Variants in SLC45A1 observed in about 807,000 individuals in gnomAD.
The protein encoded by SLC45A1 is proton-associated sugar transporter A.
SLC45A1 carries 28 observed loss-of-function variants against 57.6 expected under a neutral mutation model. That is an observed-to-expected ratio of 0.49 (90% confidence interval 0.36 to 0.67). The LOEUF is 0.67. Among genes scored for constraint, SLC45A1 ranks in the 30% least tolerant of loss-of-function variants. The pLI is 0.00. For synonymous variants in SLC45A1, 459 were observed against 471.5 expected, an observed-to-expected ratio of 0.97 and a Z score of 0.34; for missense variants, 814 against 1,041.5, an observed-to-expected ratio of 0.78 and a Z score of 3.01.
At position 8,343,760 on chromosome 1, in the gene SLC45A1, G is replaced by A; in HGVS notation, c.1994G>A (p.Ser665Asn). 6.2e-7 allele frequency: 1 copy of A among 1,613,324 alleles called. No individual in the cohort carries two copies. The highest frequency in any genetic ancestry group is 1.1e-5 in the South Asian group (1 of 91,062). Residue 665 changes from serine to asparagine, a missense_variant, in exon 9 of 9, where the codon AGT (serine) becomes AAT (asparagine). By Grantham distance (46) the Ser-to-Asn change is conservative. Transcript: ENST00000471889. The surrounding 1 kb of genome is among the most constrained non-coding windows in gnomAD (Gnocchi z 7.7). ...CCTCTGGGTCAGTTTGCAGGGTCCA[G>A]TGCGGACGGCACCCGGCGGGGCATG... Reference protein sequence around the residue: ...YYQSKKFAGSSADGTRRGMGV... With the variant: ...YYQSKKFAGSNADGTRRGMGV...
chr1:8,331,903 C>A (rs1640423086), intron 5 of SLC45A1, among the ~76,000 whole-genome samples: 1 of 151,316 alleles, frequency 6.6e-6, no homozygotes, highest in South Asian at 2.1e-4. Context: ...CGCCATTCTT[C>A]TGCCTCAGCC....
At position 8,332,211 on chromosome 1, in the gene SLC45A1, G is replaced by A. The variant is rs556855795; in HGVS notation, c.1443+1275G>A. 1.1e-4 allele frequency among the ~76,000 whole-genome samples: 16 copies of A among 152,320 alleles called. No individual in the cohort carries two copies. The East Asian group carries it at 2.3e-3, about 22-fold the overall frequency. ...TTGTTTCTGGTATTTTTCCCAAGAC[G>A]TCCGGGCTCCAGCCCGTTTTGGCAG... On this transcript the variant is annotated intron_variant, in intron 5 of 8. Coordinates refer to ENST00000471889, the MANE Select transcript of SLC45A1 (RefSeq NM_001080397.3).
intron 8 of SLC45A1, among the ~76,000 whole-genome samples, chr1:8,342,348 G>A (rs1640852977): frequency 6.6e-6 from 1 of 152,188 alleles, no homozygotes; most frequent in South Asian, 2.1e-4. Flanking sequence ...AGCACACGCA[G>A]AGTTGTACAA....
At chr1:8,333,007 A>G (rs1640462569) in intron 5 of SLC45A1, among the ~76,000 whole-genome samples, 1 of 150,752 alleles carries the variant, frequency 6.6e-6, no homozygotes, top group African/African-American at 2.4e-5. Flanking sequence ...CAGCCTGGAG[A>G]TCTAGCCGAG....
chr1:8,322,435 A>G (rs1443871101), intron 1 of SLC45A1, among the ~76,000 whole-genome samples: 1 of 127,842 alleles, frequency 7.8e-6, no homozygotes, highest in Non-Finnish European at 1.7e-5. Context: ...TGGATGGATG[A>G]ATGAGTCATT....
chr1:8,330,986 G>C lies in SLC45A1; in HGVS notation c.1443+50G>C, dbSNP rs535551148. On this transcript the variant is annotated intron_variant, in intron 5 of 8. Coordinates refer to ENST00000471889, the MANE Select transcript of SLC45A1 (RefSeq NM_001080397.3). The surrounding 1 kb of genome is among the most constrained non-coding windows in gnomAD (Gnocchi z 8.4). Reference sequence around the variant, plus strand: ...GAGGCTCAGAGGGTGGCATTCGGGGGTCCCCTGGTCAGTTACATGACAAAG... The same window carrying C: ...GAGGCTCAGAGGGTGGCATTCGGGGCTCCCCTGGTCAGTTACATGACAAAG... The C allele has an allele frequency of 1.3e-6, 2 of 1,520,408 alleles. No individual in the cohort carries two copies. The highest frequency in any genetic ancestry group is 4.5e-5 in the East Asian group (2 of 43,990). The allele number at this position is 1,520,408 out of a possible 1,614,324, so 94.2% of individuals were successfully genotyped here.
At chr1:8,341,726 C>A in intron 8 of SLC45A1, among the ~76,000 whole-genome samples, 1 of 150,254 alleles carries the variant, frequency 6.7e-6, no homozygotes, top group East Asian at 2.0e-4. Context: ...AGTTCAAGAT[C>A]AGCCTGGCCA....
chr1:8,323,061 C>T (rs879409683), intron 1 of SLC45A1, among the ~76,000 whole-genome samples: 1 of 152,160 alleles, frequency 6.6e-6, no homozygotes, highest in Non-Finnish European at 1.5e-5. Flanking sequence ...ACTTTGGAAC[C>T]GGTGCCTAAG....
intron 6 of SLC45A1, 103 bp from the exon 7 acceptor site, chr1:8,337,713 C>T: frequency 1.8e-6 from 2 of 1,136,220 alleles, no homozygotes; most frequent in South Asian, 1.5e-5. Context: ...CCACCACGCC[C>T]AGCTGCTCAT....
At chr1:8,334,265 C>G (rs978759979) in intron 5 of SLC45A1, among the ~76,000 whole-genome samples, 1 of 152,226 alleles carries the variant, frequency 6.6e-6, no homozygotes, top group Admixed American at 6.5e-5. Context: ...GAGACAGAGG[C>G]GTAACTGCAG....
In SLC45A1 at chr1:8,328,525, A is replaced by G. The variant is rs1485043975; in HGVS notation, c.716-1684A>G. 2.2e-4 allele frequency among the ~76,000 whole-genome samples: 33 copies of G among 152,164 alleles called. No individual in the cohort carries two copies. Among genetic ancestry groups the G allele is most frequent in the Non-Finnish European group, 2.9e-5 (2 of 68,042 alleles). ...TCTATGAGAATGCACCACTTTGATCATTCAAGAAAATTAGCTAGTAAAGTT... is the reference window on the plus strand; with the variant it reads ...TCTATGAGAATGCACCACTTTGATCGTTCAAGAAAATTAGCTAGTAAAGTT... On this transcript the variant is annotated intron_variant, in intron 4 of 8. Coordinates refer to ENST00000471889, the MANE Select transcript of SLC45A1 (RefSeq NM_001080397.3). This position sits in a 1 kb window ranked among gnomAD's most constrained non-coding sequence, Gnocchi z 4.6.
chr1:8,338,717 C>T lies in SLC45A1; in HGVS notation c.1774+725C>T, dbSNP rs1464965284. Reference sequence around the variant, plus strand: ...AAACCGCACTGTGTTCGCTGAAATACGAGTTTCATGTGATTTTCACGTGTC... The same window carrying T: ...AAACCGCACTGTGTTCGCTGAAATATGAGTTTCATGTGATTTTCACGTGTC... On this transcript the variant is annotated intron_variant, in intron 7 of 8. Coordinates refer to ENST00000471889, the MANE Select transcript of SLC45A1 (RefSeq NM_001080397.3). 3.3e-5 allele frequency among the ~76,000 whole-genome samples: 5 copies of T among 152,354 alleles called. No individual in the cohort carries two copies. The East Asian group carries it at 5.8e-4, about 18-fold the overall frequency.
intron 1 of SLC45A1, among the ~76,000 whole-genome samples, chr1:8,323,387 A>C (rs765292997): frequency 2.7e-5 from 4 of 150,186 alleles, no homozygotes; most frequent in Non-Finnish European, 5.9e-5. Context: ...GCTACTTGGG[A>C]GGCTGAGGCA....
intron 5 of SLC45A1, among the ~76,000 whole-genome samples, chr1:8,334,467 A>C (rs554920918): frequency 1.3e-5 from 2 of 152,258 alleles, no homozygotes; most frequent in South Asian, 4.1e-4. Context: ...CTAGTTCCCC[A>C]AGGTGGGAGG....
chr1:8,337,747 T>G, intron 6 of SLC45A1, 69 bp from the exon 7 acceptor site: 13 of 1,399,074 alleles, frequency 9.3e-6, no homozygotes, highest in Non-Finnish European at 1.2e-5. Context: ...AGTAGACGCA[T>G]GTTGGTTAGA....
rs1640598628 is a variant in SLC45A1, at chr1:8,335,984, C to G, written c.1597+394C>G. 1 of 204,486 alleles carries G rather than the reference C, an allele frequency of 4.9e-6. No homozygotes were observed. The highest frequency in any genetic ancestry group is 1.1e-4 in the East Asian group (1 of 9,126). The allele number at this position is 204,486 out of a possible 1,614,324, so 12.7% of individuals were successfully genotyped here. A position where few individuals can be genotyped will look rare whatever the true frequency, so the allele number is the denominator to read the frequency against. On this transcript the variant is annotated intron_variant, in intron 6 of 8. Coordinates refer to ENST00000471889, the MANE Select transcript of SLC45A1 (RefSeq NM_001080397.3). This position sits in a 1 kb window ranked among gnomAD's most constrained non-coding sequence, Gnocchi z 4.1. Reference sequence around the variant, plus strand: ...TCTGTCTTCAAGCACAGACCCCACACCTGCCTGCCCGTGTCTATTGCTGTT... The same window carrying G: ...TCTGTCTTCAAGCACAGACCCCACAGCTGCCTGCCCGTGTCTATTGCTGTT...
In SLC45A1 at chr1:8,324,616, G is replaced by A. The variant is rs1344010417; in HGVS notation, c.287G>A (p.Gly96Asp). The change falls in exon 2 of 9, where the codon GGC becomes GAC. Residue 96 changes from glycine (G) to aspartate (D), a missense_variant. Gly to Asp is a moderately conservative substitution (Grantham distance 94, BLOSUM62 -1). Coordinates refer to ENST00000471889, the MANE Select transcript of SLC45A1 (RefSeq NM_001080397.3). The stretch of plus-strand genomic sequence containing the variant: ...CTTTTCAACGGCTGCATTCTCTTTG[G>A]CATCGAGTTCAGCTACGCCATGGAG... ...ELLFNGCILF[G>D]IEFSYAMETA... 1.9e-6 allele frequency: 3 copies of A among 1,612,220 alleles called. No individual in the cohort carries two copies. The Admixed American group carries it at 5.0e-5, about 27-fold the overall frequency.
intron 1 of SLC45A1, among the ~76,000 whole-genome samples, chr1:8,319,584 G>A (rs990520474): frequency 6.6e-5 from 10 of 152,190 alleles, no homozygotes; most frequent in Admixed American, 2.6e-4. Context: ...CCTTTTGACC[G>A]AGTAAATGGT....
chr1:8,340,519 G>A (rs1640776867), intron 8 of SLC45A1, among the ~76,000 whole-genome samples: 1 of 152,194 alleles, frequency 6.6e-6, no homozygotes, highest in Non-Finnish European at 1.5e-5. Context: ...CTGATAGCCA[G>A]CTCAGCTCCT....
Sources: allele counts gnomAD v4.1 joint callset (sites outside exome capture counted in the v4.1 genomes callset), GRCh38; gene constraint gnomAD v4.1.1; non-coding constraint Gnocchi (gnomAD v3.1); transcripts MANE v1.5; gene names NCBI Gene and HGNC (gene_info 2026-07-23, HGNC 2026-07-21).